SPRED1: variants seen among roughly 807,000 people sequenced by gnomAD.
SPRED1 encodes sprouty related EVH1 domain containing 1.
A neutral mutation model predicts 52.3 loss-of-function variants in SPRED1; 18 were observed. That is an observed-to-expected ratio of 0.34 (90% confidence interval 0.24 to 0.51). SPRED1 has a LOEUF of 0.51. Ranked by LOEUF, SPRED1 falls within the 20% of genes least tolerant of loss-of-function variation. The pLI, the probability that SPRED1 is intolerant of heterozygous loss-of-function variation, is 0.97. For missense variants in SPRED1, 485 were observed against 551.0 expected, an observed-to-expected ratio of 0.88 and a Z score of 1.20; for synonymous variants, 155 against 179.7, an observed-to-expected ratio of 0.86 and a Z score of 1.10.
At position 38,355,036 on chromosome 15, in the gene SPRED1, A is replaced by C. The variant is rs1054074249; in HGVS notation, c.*3372A>C. 2.6e-5 allele frequency: 4 copies of C among 151,822 alleles called. No homozygotes were observed. Among genetic ancestry groups the C allele is most frequent in the South Asian group, 2.1e-4 (1 of 4,802 alleles). The allele number at this position is 151,822 out of a possible 1,614,324, so 9.4% of individuals were successfully genotyped here. On this transcript the variant is annotated 3_prime_UTR_variant, in exon 7 of 7. Coordinates refer to ENST00000299084, the MANE Select transcript of SPRED1 (RefSeq NM_152594.3). ...AATGGTGCGATCTCAGCTCACTGCAACCTCCGCCTCCTGGGTTCAAGCGAT... is the reference window on the plus strand; with the variant it reads ...AATGGTGCGATCTCAGCTCACTGCACCCTCCGCCTCCTGGGTTCAAGCGAT...
At chr15:38,271,272 A>C (rs1894428842) in intron 1 of SPRED1, among the ~76,000 whole-genome samples, 1 of 152,216 alleles carries the variant, frequency 6.6e-6, no homozygotes, top group African/African-American at 2.4e-5. Context: ...TGCATATTTT[A>C]GTGGTAATTA....
intron 2 of SPRED1, among the ~76,000 whole-genome samples, chr15:38,305,635 T>C (rs1435514771): frequency 6.6e-6 from 1 of 151,488 alleles, no homozygotes. Context: ...AAAATGTATA[T>C]AGACACAGTG....
chr15:38,334,922 T>C (rs1895881546), intron 4 of SPRED1, among the ~76,000 whole-genome samples: 1 of 151,816 alleles, frequency 6.6e-6, no homozygotes, highest in Non-Finnish European at 1.5e-5. Context: ...ATTATCAAAT[T>C]GCACTCTCAC....
chr15:38,269,290 G>A (rs1465207504), intron 1 of SPRED1, among the ~76,000 whole-genome samples: 1 of 152,112 alleles, frequency 6.6e-6, no homozygotes, highest in Non-Finnish European at 1.5e-5. Context: ...TGTTACACAG[G>A]CTGGAGTGCA....
chr15:38,325,919 A>C (rs1895702918), intron 4 of SPRED1: 1 of 152,146 alleles, frequency 6.6e-6, no homozygotes, highest in South Asian at 2.1e-4. Flanking sequence ...TAAGCCACTA[A>C]ATTTGGGAAT....
At chr15:38,264,817 A>G (rs16966566) in intron 1 of SPRED1, among the ~76,000 whole-genome samples, 1 of 152,122 alleles carries the variant, frequency 6.6e-6, no homozygotes, top group African/African-American at 2.4e-5. Flanking sequence ...TTAGCTGGGA[A>G]GATTTGAGAG....
chr15:38,256,255 T>C (rs927758648), intron 1 of SPRED1, among the ~76,000 whole-genome samples: 17 of 152,230 alleles, frequency 1.1e-4, no homozygotes, highest in African/African-American at 4.1e-4. Context: ...GTAGAGGAAA[T>C]AGCCACATAC....
chr15:38,323,415 G>T (rs1355801180), intron 3 of SPRED1, among the ~76,000 whole-genome samples: 1 of 151,906 alleles, frequency 6.6e-6, no homozygotes, highest in Non-Finnish European at 1.5e-5. Context: ...TTAGATCAGT[G>T]TTCTTAACCT....
intron 4 of SPRED1, among the ~76,000 whole-genome samples, chr15:38,334,331 GCTAA>G (rs1415272353): frequency 6.6e-6 from 1 of 152,016 alleles, no homozygotes; most frequent in East Asian, 1.9e-4. Context: ...GGTGGGGGGT[GCTAA>G]TACAGAGAAA....
chr15:38,290,839 A>G (rs1894909974), intron 1 of SPRED1, among the ~76,000 whole-genome samples: 1 of 152,098 alleles, frequency 6.6e-6, no homozygotes, highest in African/African-American at 2.4e-5. Context: ...GAGAGATACA[A>G]TTTAAGTTGA....
intron 1 of SPRED1, among the ~76,000 whole-genome samples, chr15:38,288,582 T>C (rs979205370): frequency 1.3e-5 from 2 of 152,128 alleles, no homozygotes; most frequent in Non-Finnish European, 2.9e-5. Context: ...CTCAGGGGAA[T>C]ACCCAACTAA....
At chr15:38,331,811 A>G (rs939902706) in intron 4 of SPRED1, among the ~76,000 whole-genome samples, 2 of 152,198 alleles carry the variant, frequency 1.3e-5, no homozygotes, top group Non-Finnish European at 2.9e-5. Flanking sequence ...AGTTTGCCAA[A>G]GGGTAGCTTG....
intron 1 of SPRED1, among the ~76,000 whole-genome samples, chr15:38,282,203 G>A (rs1296861013): frequency 1.3e-5 from 2 of 151,954 alleles, no homozygotes; most frequent in Admixed American, 6.6e-5. Flanking sequence ...GGCCAGAATC[G>A]GTGGCTCATG....
intron 5 of SPRED1, among the ~76,000 whole-genome samples, chr15:38,348,444 G>T (rs1464534567): frequency 1.3e-5 from 2 of 151,900 alleles, no homozygotes; most frequent in African/African-American, 4.8e-5. Context: ...GTGTGTCTGT[G>T]TGTGTAAAAA....
At chr15:38,305,342 CA>C (rs371313597) in intron 2 of SPRED1, among the ~76,000 whole-genome samples, 97,755 of 131,426 alleles carry the variant, frequency 0.74, 36,558 homozygotes, top group South Asian at 0.85. Flanking sequence ...AAATAAAAAA[CA>C]AAAAAAAAAA....
At chr15:38,322,555 G>A in intron 3 of SPRED1, 146 bp downstream of exon 3, 1 of 721,560 alleles carries the variant, frequency 1.4e-6, no homozygotes, top group Non-Finnish European at 2.3e-6. Flanking sequence ...CCTCACAATA[G>A]ATGAAGATAA....
chr15:38,318,046 G>A (rs1895525221), intron 2 of SPRED1, among the ~76,000 whole-genome samples: 1 of 151,968 alleles, frequency 6.6e-6, no homozygotes, highest in Non-Finnish European at 1.5e-5. Flanking sequence ...TTATGTAAAT[G>A]AGCAATAGAC....
Position 38,351,029 on chromosome 15 carries a change from A to T in SPRED1, c.700A>T (p.Ile234Phe). The change falls in exon 7 of 7, where the codon ATC (isoleucine) becomes TTC (phenylalanine). Residue 234 changes from isoleucine to phenylalanine, a missense_variant. Coordinates refer to ENST00000299084, the MANE Select transcript of SPRED1 (RefSeq NM_152594.3). The stretch of plus-strand genomic sequence containing the variant: ...TCTTTTTTAGGTCCCTTTGAAATCA[A>T]TCAGACATGTCAGCTTTCAAGATGA... Reference protein sequence around the residue: ...KSQNRVPLKSIRHVSFQDEDE... With the variant: ...KSQNRVPLKSFRHVSFQDEDE... 1 of 1,613,442 alleles carries T rather than the reference A, an allele frequency of 6.2e-7. No homozygotes were observed. Among genetic ancestry groups the T allele is most frequent in the Middle Eastern group, 1.7e-4 (1 of 6,058 alleles).
In SPRED1 at chr15:38,299,449, A is replaced by G; in HGVS notation, c.109A>G (p.Ser37Gly). The change falls in exon 2 of 7, where the codon AGT (serine) becomes GGT (glycine). Residue 37 changes from serine (S) to glycine (G), a missense_variant. By Grantham distance (56) the Ser-to-Gly change is moderately conservative. Around this residue, in one of 5 missense-constraint regions of SPRED1, gnomAD observed 11 missense variants for 31.5 expected, o/e 0.35. Transcript: ENST00000299084. ...SSGGWLPLGGSGLSSVTVFKV... is the reference protein window; with the variant it reads ...SSGGWLPLGGGGLSSVTVFKV... ...TGGTGGATGGTTACCACTTGGAGGGAGTGGACTAAGCAGCGTCACTGTCTT... is the reference window on the plus strand; with the variant it reads ...TGGTGGATGGTTACCACTTGGAGGGGGTGGACTAAGCAGCGTCACTGTCTT... 2 of 1,613,998 alleles carry G rather than the reference A, an allele frequency of 1.2e-6. No homozygotes were observed. Among genetic ancestry groups the G allele is most frequent in the Non-Finnish European group, 1.7e-6 (2 of 1,179,938 alleles).
Sources: allele counts gnomAD v4.1 joint callset (sites outside exome capture counted in the v4.1 genomes callset), GRCh38; gene constraint gnomAD v4.1.1; regional missense constraint gnomAD v4.1.1; transcripts MANE v1.5; gene names NCBI Gene and HGNC (gene_info 2026-07-23, HGNC 2026-07-21).